LDB2: variants seen among roughly 807,000 people sequenced by gnomAD.
LDB2 encodes the protein LIM domain binding 2.
LDB2 carries 12 observed loss-of-function variants against 44.3 expected under a neutral mutation model. That is an observed-to-expected ratio of 0.27 (90% CI 0.17 to 0.44). The LOEUF is 0.44. Ranked by LOEUF, LDB2 falls within the 20% of genes least tolerant of loss-of-function variation. The pLI, the probability that LDB2 is intolerant of heterozygous loss-of-function variation, is 1.00. For synonymous variants in LDB2, 164 were observed against 174.8 expected, an observed-to-expected ratio of 0.94 and a Z score of 0.49; for missense variants, 344 against 473.5, an observed-to-expected ratio of 0.73 and a Z score of 2.54.
intron 2 of LDB2, among the ~76,000 whole-genome samples, chr4:16,714,020 G>A (rs2152667677): frequency 6.6e-6 from 1 of 152,248 alleles, no homozygotes; most frequent in African/African-American, 2.4e-5. Flanking sequence ...ATTCACCGGC[G>A]AGAAGATATT....
intron 3 of LDB2, among the ~76,000 whole-genome samples, chr4:16,591,740 T>C (rs189528754): frequency 1.3e-5 from 2 of 152,272 alleles, no homozygotes; most frequent in Admixed American, 6.5e-5. Flanking sequence ...AAAATATATA[T>C]GTATTTCCTA....
chr4:16,830,570 C>G (rs200133915), intron 1 of LDB2, among the ~76,000 whole-genome samples: 1 of 152,226 alleles, frequency 6.6e-6, no homozygotes, highest in Non-Finnish European at 1.5e-5. Context: ...GCATGTCAGA[C>G]TCTCTGAAGC....
intron 1 of LDB2, among the ~76,000 whole-genome samples, chr4:16,888,366 A>G (rs775679652): frequency 6.6e-6 from 1 of 152,246 alleles, no homozygotes; most frequent in Non-Finnish European, 1.5e-5. Context: ...ATGGTCTCAT[A>G]CATTGGTCAA....
At chr4:16,627,987 T>A (rs1331235806) in intron 2 of LDB2, among the ~76,000 whole-genome samples, 1 of 152,124 alleles carries the variant, frequency 6.6e-6, no homozygotes, top group East Asian at 1.9e-4. Flanking sequence ...TTCTGCCCCT[T>A]TTCACCATGC....
At chr4:16,707,509 A>G (rs962292355) in intron 2 of LDB2, among the ~76,000 whole-genome samples, 1 of 152,236 alleles carries the variant, frequency 6.6e-6, no homozygotes, top group Non-Finnish European at 1.5e-5. Flanking sequence ...ATAGCAAACT[A>G]AAATCATTTC....
intron 5 of LDB2, among the ~76,000 whole-genome samples, chr4:16,545,842 A>T (rs928956957): frequency 1.7e-4 from 26 of 152,182 alleles, no homozygotes; most frequent in African/African-American, 6.3e-4. Context: ...CATTTCTAAC[A>T]TGCCCCTTCT....
intron 2 of LDB2, among the ~76,000 whole-genome samples, chr4:16,698,437 C>T (rs544507560): frequency 3.9e-5 from 6 of 152,282 alleles, no homozygotes; most frequent in African/African-American, 1.4e-4. Flanking sequence ...CACAGGTCCC[C>T]ATTATGATCA....
intron 1 of LDB2, among the ~76,000 whole-genome samples, chr4:16,817,920 A>G (rs1360254329): frequency 2.0e-5 from 3 of 152,040 alleles, no homozygotes. Flanking sequence ...AAAAAAATTA[A>G]AAAAAAATTA....
At chr4:16,632,775 A>G (rs1054490662) in intron 2 of LDB2, among the ~76,000 whole-genome samples, 2 of 152,236 alleles carry the variant, frequency 1.3e-5, no homozygotes, top group Non-Finnish European at 2.9e-5. Flanking sequence ...GCATTCAAAA[A>G]GTCAGGAAAC....
intron 1 of LDB2, among the ~76,000 whole-genome samples, chr4:16,871,265 A>C (rs972910460): frequency 1.3e-5 from 2 of 152,234 alleles, no homozygotes; most frequent in African/African-American, 4.8e-5. Flanking sequence ...GAATATATGT[A>C]GCTTCAAATG....
intron 2 of LDB2, among the ~76,000 whole-genome samples, chr4:16,720,102 T>C (rs1187667960): frequency 6.6e-6 from 1 of 152,120 alleles, no homozygotes; most frequent in African/African-American, 2.4e-5. Context: ...TGGAGCCTGA[T>C]GTGATGGTTG....
intron 5 of LDB2, among the ~76,000 whole-genome samples, chr4:16,535,928 TA>T (rs2152313075): frequency 6.6e-6 from 1 of 152,316 alleles, no homozygotes; most frequent in Admixed American, 6.5e-5. Flanking sequence ...CGTGCATTTC[TA>T]ACCACTGCAC....
chr4:16,719,190 A>G (rs529509), intron 2 of LDB2, among the ~76,000 whole-genome samples: 70,235 of 151,914 alleles, frequency 0.46, 16,730 homozygotes, highest in East Asian at 0.78. Flanking sequence ...ATATGATTCA[A>G]GTGTTTGAAT....
intron 1 of LDB2, among the ~76,000 whole-genome samples, chr4:16,811,526 C>A (rs1043798857): frequency 1.3e-5 from 2 of 152,172 alleles, no homozygotes; most frequent in African/African-American, 2.4e-5. Context: ...AGGGAAAGGG[C>A]ATTTACTAGA....
intron 3 of LDB2, 59 bp downstream of exon 3, chr4:16,595,644 T>G: frequency 6.7e-7 from 1 of 1,492,128 alleles, no homozygotes; most frequent in Non-Finnish European, 9.2e-7. Context: ...CCATAATTAT[T>G]ATTCTTTAAT....
chr4:16,575,991 C>G (rs568523846), intron 5 of LDB2, among the ~76,000 whole-genome samples: 13 of 152,318 alleles, frequency 8.5e-5, no homozygotes, highest in African/African-American at 2.6e-4. Context: ...CCACCTGCTT[C>G]GGCCTCCCAA....
chr4:16,887,548 G>A (rs1472344762), intron 1 of LDB2, among the ~76,000 whole-genome samples: 1 of 152,062 alleles, frequency 6.6e-6, no homozygotes, highest in Non-Finnish European at 1.5e-5. Flanking sequence ...TTTTTTGTGT[G>A]TATTTCCAAT....
At chr4:16,868,016 A>G (rs181561187) in intron 1 of LDB2, among the ~76,000 whole-genome samples, 2 of 152,320 alleles carry the variant, frequency 1.3e-5, no homozygotes, top group East Asian at 3.9e-4. Flanking sequence ...AAGCCCAGAA[A>G]GATTGTCATT....
chr4:16,672,122 A>G lies in LDB2; in HGVS notation c.236-76247T>C, dbSNP rs1381018531. Among the ~76,000 whole-genome samples, 5 of 152,256 alleles carry G rather than the reference A, an allele frequency of 3.3e-5. No homozygotes were observed. In the East Asian group the frequency reaches 5.8e-4, roughly 18 times the overall value. On this transcript the variant is annotated intron_variant, in intron 2 of 7. Transcript: ENST00000304523. ...GTGCCTTAAAGATGTTTCCTCATTC[A>G]TTACTTGGAGCAACACCCTGTGAGG...
Sources: allele counts gnomAD v4.1 joint callset (sites outside exome capture counted in the v4.1 genomes callset), GRCh38; gene constraint gnomAD v4.1.1; transcripts MANE v1.5; gene names NCBI Gene and HGNC (gene_info 2026-07-23, HGNC 2026-07-21).